The following NAALADL2 variants were observed in gnomAD, a reference collection of about 807,000 sequenced individuals.
NAALADL2 encodes the protein inactive N-acetylated-alpha-linked acidic dipeptidase-like protein 2.
A neutral mutation model predicts 87.2 loss-of-function variants in NAALADL2; 76 were observed. That is an observed-to-expected ratio of 0.87 (90% confidence interval 0.72 to 1.05). The LOEUF (loss-of-function observed/expected upper bound fraction) is 1.05. Among genes scored for constraint, NAALADL2 ranks in the 50% least tolerant of loss-of-function variants. The pLI is 0.00. For synonymous variants in NAALADL2, 354 were observed against 331.0 expected (o/e 1.07, Z -0.75); for missense variants, 1,089 against 945.8 (o/e 1.15, Z -1.99).
chr3:175,423,888 TA>T (rs1010595182), intron 5 of NAALADL2, among the ~76,000 whole-genome samples: 9 of 152,178 alleles, frequency 5.9e-5, no homozygotes. Flanking sequence ...ACCAACAGTG[TA>T]AAAATGTTCC....
chr3:174,702,108 G>A (rs1346338344), intron 2 of NAALADL2, among the ~76,000 whole-genome samples: 1 of 151,866 alleles, frequency 6.6e-6, no homozygotes, highest in Non-Finnish European at 1.5e-5. Context: ...TTTTAATTCT[G>A]GTCAGTCTAC....
intron 3 of NAALADL2, among the ~76,000 whole-genome samples, chr3:174,850,324 G>T (rs190114492): frequency 1.3e-5 from 2 of 151,964 alleles, no homozygotes; most frequent in Admixed American, 1.3e-4. Flanking sequence ...TTTAGATTAA[G>T]TATCCTTTCA....
intron 1 of NAALADL2, among the ~76,000 whole-genome samples, chr3:174,548,092 T>C (rs548592036): frequency 1.2e-4 from 18 of 152,320 alleles, no homozygotes; most frequent in Admixed American, 1.1e-3. Flanking sequence ...GACATCTAAT[T>C]TTAGAGTTCT....
chr3:175,195,157 G>A (rs1363649186), intron 2 of NAALADL2, among the ~76,000 whole-genome samples: 1 of 151,632 alleles, frequency 6.6e-6, no homozygotes, highest in Non-Finnish European at 1.5e-5. Flanking sequence ...AATTGAAAGT[G>A]CAAGAGACTC....
intron 9 of NAALADL2, among the ~76,000 whole-genome samples, chr3:175,474,029 A>G (rs9814759): frequency 0.66 from 101,146 of 152,100 alleles, 35,168 homozygotes; most frequent in East Asian, 0.84. Flanking sequence ...CCAACAGCAT[A>G]TAAGCATTCC....
chr3:175,410,815 C>G (rs909891882), intron 5 of NAALADL2, among the ~76,000 whole-genome samples: 1 of 151,978 alleles, frequency 6.6e-6, no homozygotes, highest in Admixed American at 6.6e-5. Flanking sequence ...TTACAGTGAG[C>G]GGCATAGGTT....
chr3:175,727,274 C>T (rs573589116), intron 11 of NAALADL2, among the ~76,000 whole-genome samples: 2 of 152,198 alleles, frequency 1.3e-5, no homozygotes, highest in East Asian at 1.9e-4. Context: ...TTTCTCAGCA[C>T]GCTGAGAGAA....
intron 1 of NAALADL2, among the ~76,000 whole-genome samples, chr3:174,898,449 G>T (rs1731890637): frequency 6.6e-6 from 1 of 151,760 alleles, no homozygotes; most frequent in Non-Finnish European, 1.5e-5. Flanking sequence ...GCACAACAGG[G>T]TGACTATAGT....
intron 1 of NAALADL2, among the ~76,000 whole-genome samples, chr3:174,864,365 A>G (rs1579258031): frequency 2.0e-5 from 3 of 152,210 alleles, no homozygotes; most frequent in East Asian, 1.9e-4. Flanking sequence ...AAGGTGGTCA[A>G]TGACATGGTA....
At chr3:175,424,644 T>C (rs2149135798) in intron 5 of NAALADL2, among the ~76,000 whole-genome samples, 1 of 152,302 alleles carries the variant, frequency 6.6e-6, no homozygotes, top group East Asian at 1.9e-4. Context: ...TTGGTCTATA[T>C]CTCTGTTTTG....
intron 11 of NAALADL2, among the ~76,000 whole-genome samples, chr3:175,700,008 T>C (rs895777525): frequency 1.3e-5 from 2 of 152,068 alleles, no homozygotes; most frequent in Non-Finnish European, 2.9e-5. Context: ...ATTTTTAGGG[T>C]TTTGCTTTTA....
At chr3:175,192,251 G>A (rs751592673) in intron 2 of NAALADL2, among the ~76,000 whole-genome samples, 3 of 151,978 alleles carry the variant, frequency 2.0e-5, no homozygotes, top group Non-Finnish European at 2.9e-5. Flanking sequence ...ATAAAGTAAA[G>A]CTAGTTTTCA....
chr3:174,865,119 T>G (rs1188478404), intron 1 of NAALADL2, among the ~76,000 whole-genome samples: 1 of 152,016 alleles, frequency 6.6e-6, no homozygotes, highest in Non-Finnish European at 1.5e-5. Flanking sequence ...TTCTGTAATT[T>G]ATATTGAAAA....
intron 2 of NAALADL2, chr3:175,217,977 G>A: frequency 3.4e-6 from 1 of 295,594 alleles, no homozygotes; most frequent in South Asian, 3.1e-5. Context: ...TGAATAGATA[G>A]TGTCTGTGCT....
At chr3:174,600,505 A>G (rs1718334581) in intron 2 of NAALADL2, among the ~76,000 whole-genome samples, 1 of 152,148 alleles carries the variant, frequency 6.6e-6, no homozygotes, top group Non-Finnish European at 1.5e-5. Flanking sequence ...TTAAAATTTA[A>G]GATTTGTCTT....
At chr3:175,332,654 T>A (rs540580667) in intron 5 of NAALADL2, among the ~76,000 whole-genome samples, 1 of 152,204 alleles carries the variant, frequency 6.6e-6, no homozygotes, top group Non-Finnish European at 1.5e-5. Context: ...CCTTAACATA[T>A]AGTCTTTCAT....
chr3:175,610,852 T>A (rs1433983746), intron 10 of NAALADL2, among the ~76,000 whole-genome samples: 1 of 152,114 alleles, frequency 6.6e-6, no homozygotes, highest in Admixed American at 6.6e-5. Context: ...CTGAGTGTTT[T>A]GCTCATTGTT....
At chr3:175,078,028 CTT>C (rs58379991) in intron 1 of NAALADL2, among the ~76,000 whole-genome samples, 27 of 143,870 alleles carry the variant, frequency 1.9e-4, no homozygotes, top group African/African-American at 5.3e-4. Context: ...TCTTTTCTTT[CTT>C]TTTTTTTTTT....
intron 9 of NAALADL2, among the ~76,000 whole-genome samples, chr3:175,543,311 C>T (rs1393426559): frequency 6.6e-6 from 1 of 151,988 alleles, no homozygotes. Flanking sequence ...TTTAGACCTG[C>T]TGCAGTAAAA....
Sources: gnomAD v4.1 joint callset for allele counts (sites outside exome capture counted in the v4.1 genomes callset) on GRCh38, gnomAD v4.1.1 for gene constraint, MANE v1.5 for transcripts, NCBI Gene and HGNC (gene_info 2026-07-23, HGNC 2026-07-21) for gene names.